Variants in PDGFRL observed in about 807,000 individuals in gnomAD.
PDGFRL encodes the protein platelet derived growth factor receptor like, also known as platelet-derived growth factor receptor-like protein.
A neutral mutation model predicts 37.2 loss-of-function variants in PDGFRL; 46 were observed. The observed-to-expected ratio is 1.24, with a 90% CI of 0.98 to 1.58. The LOEUF (loss-of-function observed/expected upper bound fraction) is 1.58, where lower values mean the gene tolerates loss of function less well. Among genes scored for constraint, PDGFRL ranks in the 40% most tolerant of loss-of-function variants. The pLI is 0.00. For synonymous variants in PDGFRL, 251 were observed against 184.3 expected, an observed-to-expected ratio of 1.36 and a Z score of -2.93; for missense variants, 692 against 467.6, an observed-to-expected ratio of 1.48 and a Z score of -4.43.
At chr8:17,606,928 C>T (rs1345153460) in intron 2 of PDGFRL, among the ~76,000 whole-genome samples, 3 of 124,678 alleles carry the variant, frequency 2.4e-5, no homozygotes, top group East Asian at 2.4e-4. Context: ...CGGAGTCTTG[C>T]TCTGTCACCC....
At chr8:17,642,461 C>G in intron 5 of PDGFRL, 152 bp from the exon 6 acceptor site, 1 of 611,268 alleles carries the variant, frequency 1.6e-6, no homozygotes, top group Non-Finnish European at 2.9e-6. Flanking sequence ...AGTGTAGAAG[C>G]TTCCACAGCT....
At chr8:17,587,314 T>C (rs960507162) in intron 1 of PDGFRL, among the ~76,000 whole-genome samples, 7 of 152,194 alleles carry the variant, frequency 4.6e-5, no homozygotes, top group Non-Finnish European at 8.8e-5. Context: ...CTGAGTAACA[T>C]AGATACACAA....
At chr8:17,587,356 GCT>G (rs993559523) in intron 1 of PDGFRL, among the ~76,000 whole-genome samples, 7 of 152,182 alleles carry the variant, frequency 4.6e-5, no homozygotes, top group Admixed American at 4.6e-4. Flanking sequence ...CAGACAAGTA[GCT>G]CTGTTTGTCT....
chr8:17,578,739 A>G (rs1803642078), intron 1 of PDGFRL, among the ~76,000 whole-genome samples: 1 of 152,214 alleles, frequency 6.6e-6, no homozygotes, highest in African/African-American at 2.4e-5. Flanking sequence ...CACCCAGCCC[A>G]TGTGAGTTTA....
chr8:17,594,835 C>T (rs1804018458), intron 2 of PDGFRL, among the ~76,000 whole-genome samples: 1 of 152,222 alleles, frequency 6.6e-6, no homozygotes. Context: ...GCCACTGTGC[C>T]TGGCCTAGAC....
At chr8:17,619,589 C>T (rs532015300) in intron 2 of PDGFRL, among the ~76,000 whole-genome samples, 10 of 152,220 alleles carry the variant, frequency 6.6e-5, no homozygotes, top group South Asian at 4.1e-4. Context: ...TCAGCCAATG[C>T]GTTTTCTTCC....
intron 4 of PDGFRL, among the ~76,000 whole-genome samples, chr8:17,631,923 A>G (rs1804869283): frequency 6.6e-6 from 1 of 152,104 alleles, no homozygotes; most frequent in Admixed American, 6.5e-5. Flanking sequence ...TCACATCTGT[A>G]CACTGGTAAC....
At chr8:17,600,389 G>T (rs554138183) in intron 2 of PDGFRL, among the ~76,000 whole-genome samples, 1 of 152,180 alleles carries the variant, frequency 6.6e-6, no homozygotes, top group South Asian at 2.1e-4. Context: ...ATTGAATGTT[G>T]GTTCTATACA....
Position 17,580,278 on chromosome 8 carries a change from C to G in PDGFRL, c.55+2971C>G, listed in dbSNP as rs558328001. On this transcript the variant is annotated intron_variant, in intron 1 of 5. Coordinates refer to ENST00000251630, the MANE Select transcript of PDGFRL (RefSeq NM_001372073.1). Reference sequence around the variant, plus strand: ...GGACAGAGACACAATGACGAGGATTCTCTAACCAAGAGCCTTTGACACTTT... The same window carrying G: ...GGACAGAGACACAATGACGAGGATTGTCTAACCAAGAGCCTTTGACACTTT... 2.6e-5 allele frequency among the ~76,000 whole-genome samples: 4 copies of G among 152,118 alleles called. No homozygotes were observed. In the East Asian group the frequency reaches 5.8e-4, roughly 22 times the overall value.
At chr8:17,593,971 C>T (rs959809936) in intron 2 of PDGFRL, among the ~76,000 whole-genome samples, 3 of 152,024 alleles carry the variant, frequency 2.0e-5, no homozygotes, top group Non-Finnish European at 4.4e-5. Flanking sequence ...GTATAATAGA[C>T]CTCTAGACCG....
intron 2 of PDGFRL, among the ~76,000 whole-genome samples, chr8:17,611,728 C>G (rs183220421): frequency 6.6e-6 from 1 of 152,194 alleles, no homozygotes; most frequent in Non-Finnish European, 1.5e-5. Flanking sequence ...ATGGGAGAAG[C>G]TAATATTTAG....
chr8:17,628,196 G>A (rs555127670), intron 3 of PDGFRL, among the ~76,000 whole-genome samples: 89 of 151,342 alleles, frequency 5.9e-4, no homozygotes, highest in African/African-American at 2.1e-3. Context: ...GGGTTTCACC[G>A]TGTTAGCCAG....
At chr8:17,595,161 C>G (rs1363101385) in intron 2 of PDGFRL, among the ~76,000 whole-genome samples, 1 of 152,158 alleles carries the variant, frequency 6.6e-6, no homozygotes, top group Non-Finnish European at 1.5e-5. Flanking sequence ...ATGCCCAGAG[C>G]AAGGCCCCCC....
At chr8:17,592,606 C>T (rs188447865) in intron 2 of PDGFRL, among the ~76,000 whole-genome samples, 1 of 152,262 alleles carries the variant, frequency 6.6e-6, no homozygotes, top group African/African-American at 2.4e-5. Context: ...TTCTCAAAAG[C>T]GCCAGGCTCC....
intron 5 of PDGFRL, among the ~76,000 whole-genome samples, chr8:17,638,788 A>AG (rs1805033168): frequency 1.1e-4 from 8 of 71,584 alleles, no homozygotes; most frequent in Non-Finnish European, 2.0e-4. Flanking sequence ...TATATATATA[A>AG]TTGTGATATT....
chr8:17,577,439 C>T, intron 1 of PDGFRL, 132 bp downstream of exon 1: 1 of 748,640 alleles, frequency 1.3e-6, no homozygotes, highest in South Asian at 1.5e-5. Context: ...GCGCCACTGC[C>T]TGCCCGGTGC....
At chr8:17,610,949 C>G (rs954432053) in intron 2 of PDGFRL, among the ~76,000 whole-genome samples, 1 of 152,188 alleles carries the variant, frequency 6.6e-6, no homozygotes, top group African/African-American at 2.4e-5. Flanking sequence ...GTTGTTATTT[C>G]CATGCATTTC....
At chr8:17,631,387 G>A (rs1368156732) in intron 4 of PDGFRL, among the ~76,000 whole-genome samples, 1 of 152,104 alleles carries the variant, frequency 6.6e-6, no homozygotes, top group Admixed American at 6.6e-5. Context: ...GGGATCAGTA[G>A]CCCCGAGAGT....
At chr8:17,631,596 C>T (rs1395295885) in intron 4 of PDGFRL, among the ~76,000 whole-genome samples, 1 of 152,082 alleles carries the variant, frequency 6.6e-6, no homozygotes, top group Non-Finnish European at 1.5e-5. Flanking sequence ...CTCTCCATGT[C>T]CCTCTCCACT....
Sources: allele counts gnomAD v4.1 joint callset (sites outside exome capture counted in the v4.1 genomes callset), GRCh38; gene constraint gnomAD v4.1.1; transcripts MANE v1.5; gene names NCBI Gene and HGNC (gene_info 2026-07-23, HGNC 2026-07-21).